The following THSD7A variants were observed in gnomAD, a reference collection of about 807,000 sequenced individuals.
THSD7A encodes thrombospondin type-1 domain-containing protein 7A.
THSD7A carries 96 observed loss-of-function variants against 231.3 expected under a neutral mutation model. The ratio of observed to expected loss-of-function variants is 0.41; its 90% CI spans 0.35 to 0.49. The LOEUF (loss-of-function observed/expected upper bound fraction) is 0.49. THSD7A is among the 20% of genes least tolerant of loss of function. The pLI is 0.05. For synonymous variants in THSD7A, 940 were observed against 743.3 expected, an observed-to-expected ratio of 1.26 and a Z score of -4.30; for missense variants, 2,290 against 2,070.2, an observed-to-expected ratio of 1.11 and a Z score of -2.06.
intron 2 of THSD7A, among the ~76,000 whole-genome samples, chr7:11,597,401 A>C (rs571942742): frequency 6.6e-6 from 1 of 152,108 alleles, no homozygotes. Context: ...GCCAGTTTTG[A>C]GTGGGGTCCA....
At chr7:11,475,349 G>T (rs946940832) in intron 7 of THSD7A, among the ~76,000 whole-genome samples, 1 of 151,930 alleles carries the variant, frequency 6.6e-6, no homozygotes, top group African/African-American at 2.4e-5. Flanking sequence ...ATTAGCTGTG[G>T]GGTACTTCAG....
intron 11 of THSD7A, among the ~76,000 whole-genome samples, chr7:11,448,306 A>G (rs527535996): frequency 6.4e-4 from 98 of 152,278 alleles, no homozygotes; most frequent in Non-Finnish European, 1.2e-3. Flanking sequence ...TCTTAAAGAA[A>G]AAGAGCAAGC....
intron 23 of THSD7A, among the ~76,000 whole-genome samples, chr7:11,400,651 C>T (rs1054854294): frequency 1.3e-5 from 2 of 152,054 alleles, no homozygotes; most frequent in Admixed American, 1.3e-4. Context: ...GAGTGTTTTA[C>T]CTAGTTGATA....
intron 1 of THSD7A, among the ~76,000 whole-genome samples, chr7:11,667,439 C>G (rs1170629858): frequency 1.3e-5 from 2 of 152,080 alleles, no homozygotes; most frequent in Non-Finnish European, 2.9e-5. Context: ...ATAAACTCCC[C>G]ATTTATTTCA....
chr7:11,713,423 T>A (rs1201267344), intron 1 of THSD7A, among the ~76,000 whole-genome samples: 1 of 151,210 alleles, frequency 6.6e-6, no homozygotes, highest in Non-Finnish European at 1.5e-5. Context: ...TCCTAATCTG[T>A]CTGTCATAAA....
intron 1 of THSD7A, among the ~76,000 whole-genome samples, chr7:11,646,260 C>A (rs1440177808): frequency 6.6e-6 from 1 of 151,914 alleles, no homozygotes; most frequent in East Asian, 1.9e-4. Context: ...ACCCCACTTC[C>A]CAAATAATTA....
Position 11,379,637 on chromosome 7 carries a change from C to A in THSD7A, c.4583G>T (p.Cys1528Phe). 6.3e-7 allele frequency: 1 copy of A among 1,581,474 alleles called. No individual in the cohort carries two copies. The highest frequency in any genetic ancestry group is 8.6e-7 in the Non-Finnish European group (1 of 1,162,888). The change falls in exon 25 of 28, where the codon TGT becomes TTT. Residue 1528 changes from cysteine (C) to phenylalanine (F), a missense_variant. Transcript: ENST00000423059. ...NPPCSQPHSYCSETKTCHCEE... is the reference protein window; with the variant it reads ...NPPCSQPHSYFSETKTCHCEE... ...TGATGAATTTTCACATACCTCGCTA[C>A]AGTACGAGTGGGGTTGACTACACGG...
chr7:11,465,274 T>G (rs560880955), intron 9 of THSD7A, among the ~76,000 whole-genome samples: 17 of 152,262 alleles, frequency 1.1e-4, no homozygotes, highest in African/African-American at 3.8e-4. Flanking sequence ...CAGGTACCAA[T>G]GCTGTGCATT....
intron 22 of THSD7A, among the ~76,000 whole-genome samples, chr7:11,402,685 T>C (rs1013444278): frequency 6.6e-6 from 1 of 152,312 alleles, no homozygotes; most frequent in African/African-American, 2.4e-5. Flanking sequence ...ATTCCCAGGA[T>C]CTCAAAACCC....
At chr7:11,733,740 A>T (rs1781814531) in intron 1 of THSD7A, among the ~76,000 whole-genome samples, 1 of 151,938 alleles carries the variant, frequency 6.6e-6, no homozygotes, top group South Asian at 2.1e-4. Flanking sequence ...ATAGCTCCAT[A>T]GAAGGCCGAA....
intron 1 of THSD7A, among the ~76,000 whole-genome samples, chr7:11,716,178 T>C (rs1465379252): frequency 6.6e-6 from 1 of 151,476 alleles, no homozygotes; most frequent in East Asian, 2.0e-4. Flanking sequence ...TGTCTTACAA[T>C]ATGTCACATG....
In THSD7A at chr7:11,653,548, G is replaced by A. The variant is rs1337427148; in HGVS notation, c.191-16587C>T. 1.7e-4 allele frequency among the ~76,000 whole-genome samples: 26 copies of A among 150,866 alleles called. No individual in the cohort carries two copies. The East Asian group carries it at 4.9e-3, about 29-fold the overall frequency. On this transcript the variant is annotated intron_variant, in intron 1 of 27. Transcript: ENST00000423059. Reference sequence around the variant, plus strand: ...TGTTGCCCAGGCTGTAGTGCAGTGAGTATTCACAGGTGCAATCATAGCACG... The same window carrying A: ...TGTTGCCCAGGCTGTAGTGCAGTGAATATTCACAGGTGCAATCATAGCACG...
chr7:11,796,033 C>CATATATAT (rs6149988), intron 1 of THSD7A, among the ~76,000 whole-genome samples: 104 of 107,448 alleles, frequency 9.7e-4, no homozygotes, highest in Non-Finnish European at 1.4e-3. Flanking sequence ...TTAAATTAGC[C>CATATATAT]ATATATATAT....
At position 11,372,228 on chromosome 7, in the gene THSD7A, C is replaced by G. The variant is rs1167809395; in HGVS notation, c.*3566G>C. Reference sequence around the variant, plus strand: ...GGAAAATACTAACCCCATCTAAAAACAAACCTAGAGTAAAAGTCAACATGT... The same window carrying G: ...GGAAAATACTAACCCCATCTAAAAAGAAACCTAGAGTAAAAGTCAACATGT... On this transcript the variant is annotated 3_prime_UTR_variant, in exon 28 of 28. Coordinates refer to ENST00000423059, the MANE Select transcript of THSD7A (RefSeq NM_015204.3). 1 of 151,862 alleles carries G rather than the reference C, an allele frequency of 6.6e-6. No individual in the cohort carries two copies. The highest frequency in any genetic ancestry group is 2.4e-5 in the African/African-American group (1 of 41,370). The allele number at this position is 151,862 out of a possible 1,614,324, so 9.4% of individuals were successfully genotyped here. A position where few individuals can be genotyped will look rare whatever the true frequency, so the allele number is the denominator to read the frequency against.
At chr7:11,710,808 C>G (rs1200871976) in intron 1 of THSD7A, among the ~76,000 whole-genome samples, 1 of 150,832 alleles carries the variant, frequency 6.6e-6, no homozygotes, top group Non-Finnish European at 1.5e-5. Context: ...CAGCTTACAT[C>G]AAAATGTAAG....
At chr7:11,705,855 G>A (rs990484109) in intron 1 of THSD7A, among the ~76,000 whole-genome samples, 1 of 150,836 alleles carries the variant, frequency 6.6e-6, no homozygotes, top group Non-Finnish European at 1.5e-5. Flanking sequence ...GTTATTCAGT[G>A]TCTCAACACC....
At chr7:11,380,107 C>T (rs752561975) in intron 24 of THSD7A, among the ~76,000 whole-genome samples, 2 of 152,126 alleles carry the variant, frequency 1.3e-5, no homozygotes, top group African/African-American at 2.4e-5. Flanking sequence ...ATAGTTTTCA[C>T]GTACTTTGAA....
At chr7:11,708,701 T>C (rs139749574) in intron 1 of THSD7A, among the ~76,000 whole-genome samples, 1 of 150,926 alleles carries the variant, frequency 6.6e-6, no homozygotes, top group Non-Finnish European at 1.5e-5. Context: ...AATTCAAAAG[T>C]TTTGGACCAT....
At chr7:11,697,697 A>T (rs947308358) in intron 1 of THSD7A, among the ~76,000 whole-genome samples, 5 of 151,042 alleles carry the variant, frequency 3.3e-5, no homozygotes, top group Non-Finnish European at 5.9e-5. Flanking sequence ...CCTCAGAAAA[A>T]CTCTTCATGA....
Sources: gnomAD v4.1 joint callset for allele counts (sites outside exome capture counted in the v4.1 genomes callset) on GRCh38, gnomAD v4.1.1 for gene constraint, MANE v1.5 for transcripts, NCBI Gene and HGNC (gene_info 2026-07-23, HGNC 2026-07-21) for gene names.